ARMH3: variants seen among roughly 807,000 people sequenced by gnomAD.
The protein encoded by ARMH3 is armadillo-like helical domain-containing protein 3.
In ARMH3, 60 loss-of-function variants were observed where a neutral mutation model predicts 99.1. The ratio of observed to expected loss-of-function variants is 0.61; its 90% confidence interval spans 0.49 to 0.75. ARMH3 has a LOEUF of 0.75. Ranked by LOEUF, ARMH3 falls within the 30% of genes least tolerant of loss-of-function variation. The pLI, the probability that ARMH3 is intolerant of heterozygous loss-of-function variation, is 0.00. For missense variants in ARMH3, 679 were observed against 843.1 expected, an observed-to-expected ratio of 0.81 and a Z score of 2.41; for synonymous variants, 285 against 292.8, an observed-to-expected ratio of 0.97 and a Z score of 0.27.
intron 22 of ARMH3, among the ~76,000 whole-genome samples, chr10:101,950,728 T>TATAAAATGTCC: frequency 6.6e-6 from 1 of 152,234 alleles, no homozygotes; most frequent in Non-Finnish European, 1.5e-5. Context: ...ATTTCATTTA[T>TATAAAATGTCC]ATAAAATGTC....
intron 20 of ARMH3, among the ~76,000 whole-genome samples, chr10:101,973,397 G>C (rs938520414): frequency 6.6e-6 from 1 of 150,930 alleles, no homozygotes; most frequent in African/African-American, 2.4e-5. Context: ...ATAATCGCTT[G>C]TTTAAGCAAA....
chr10:101,992,108 T>C (rs1015398835), intron 17 of ARMH3, 70 bp from the exon 18 acceptor site: 2 of 1,243,476 alleles, frequency 1.6e-6, no homozygotes, highest in African/African-American at 3.0e-5. Flanking sequence ...CCCATCATCA[T>C]GTTCCTTGTG....
intron 4 of ARMH3, 100 bp downstream of exon 4, chr10:102,032,926 C>A: frequency 8.2e-6 from 11 of 1,343,476 alleles, no homozygotes; most frequent in East Asian, 4.8e-5. Flanking sequence ...AAAAGAAAAC[C>A]TCATACCTCA....
At chr10:101,957,233 G>A (rs934581274) in intron 21 of ARMH3, among the ~76,000 whole-genome samples, 1 of 152,140 alleles carries the variant, frequency 6.6e-6, no homozygotes, top group African/African-American at 2.4e-5. Flanking sequence ...AATGCACAAT[G>A]GCCTCCTTCT....
chr10:101,909,311 G>A (rs944684822), intron 23 of ARMH3, among the ~76,000 whole-genome samples: 1 of 151,620 alleles, frequency 6.6e-6, no homozygotes, highest in South Asian at 2.1e-4. Context: ...GAAGGCTGAT[G>A]CAAGAGGACT....
At chr10:101,951,811 TG>T (rs1017955324) in intron 22 of ARMH3, among the ~76,000 whole-genome samples, 5 of 145,698 alleles carry the variant, frequency 3.4e-5, no homozygotes, top group East Asian at 2.0e-4. Context: ...GAGGTTGCAG[TG>T]AGCCAAGATT....
intron 9 of ARMH3, 61 bp from the exon 10 acceptor site, chr10:102,012,937 T>C: frequency 6.9e-7 from 1 of 1,441,176 alleles, no homozygotes; most frequent in Non-Finnish European, 9.6e-7. Context: ...TTGGTGATGA[T>C]GCTAGAACAA....
intron 11 of ARMH3, 73 bp from the exon 12 acceptor site, chr10:102,010,096 TTA>T (rs2136105683): frequency 7.0e-7 from 1 of 1,438,318 alleles, no homozygotes; most frequent in African/African-American, 1.4e-5. Context: ...AGGAAGCCTT[TTA>T]TCAGTGAAGA....
chr10:102,022,257 A>C (rs1379761462), intron 8 of ARMH3, among the ~76,000 whole-genome samples: 6 of 151,960 alleles, frequency 3.9e-5, no homozygotes, highest in Non-Finnish European at 7.4e-5. Flanking sequence ...TAAACAGATG[A>C]ACTAGGTCAG....
chr10:101,990,556 G>A lies in ARMH3; in HGVS notation c.1401C>T (p.Leu467=), dbSNP rs947935144. The A allele has an allele frequency of 1.9e-6, 3 of 1,581,048 alleles. No individual in the cohort carries two copies. Among genetic ancestry groups the A allele is most frequent in the Non-Finnish European group, 2.6e-6 (3 of 1,150,386 alleles). The change falls in exon 19 of 26, where the codon CTC becomes CTT. Residue 467 remains leucine, a synonymous_variant. Coordinates refer to ENST00000370033, the MANE Select transcript of ARMH3 (RefSeq NM_024541.3). ...GTGTACATATTTGTACTTACATATA[G>A]AGATCCATAGGAAACTCCTTCATCA... The part of the protein sequence containing the change: ...THMMKEFPMD[L]YIRCIQVVHK...
At chr10:101,972,339 C>T (rs1845805166) in intron 20 of ARMH3, among the ~76,000 whole-genome samples, 1 of 152,202 alleles carries the variant, frequency 6.6e-6, no homozygotes, top group South Asian at 2.1e-4. Context: ...TAGAGGATTG[C>T]TTCCTAGATA....
At chr10:101,877,677 T>A (rs984923610) in intron 24 of ARMH3, among the ~76,000 whole-genome samples, 1 of 152,030 alleles carries the variant, frequency 6.6e-6, no homozygotes, top group African/African-American at 2.4e-5. Flanking sequence ...AAAATTTTTT[T>A]AAAGCTGACA....
chr10:102,051,198 C>T (rs1414583790), intron 1 of ARMH3, among the ~76,000 whole-genome samples: 2 of 150,672 alleles, frequency 1.3e-5, no homozygotes, highest in Admixed American at 1.3e-4. Flanking sequence ...GTCAAGTGGG[C>T]GCAGTGGCTC....
chr10:101,880,065 T>C (rs771159863), intron 24 of ARMH3, among the ~76,000 whole-genome samples: 2 of 152,230 alleles, frequency 1.3e-5, no homozygotes, highest in Non-Finnish European at 2.9e-5. Flanking sequence ...CAGGGTTGGA[T>C]GGCCAGTGCC....
chr10:102,016,702 A>G (rs1016906784), intron 8 of ARMH3, among the ~76,000 whole-genome samples: 43 of 152,196 alleles, frequency 2.8e-4, no homozygotes, highest in African/African-American at 9.9e-4. Context: ...CCAGAGGCCA[A>G]TTATTTAAAC....
At chr10:101,982,122 T>C (rs1345890061) in intron 19 of ARMH3, among the ~76,000 whole-genome samples, 3 of 150,896 alleles carry the variant, frequency 2.0e-5, no homozygotes, top group Non-Finnish European at 4.4e-5. Flanking sequence ...GGCTCACACC[T>C]GTAATCCCAG....
In ARMH3 at chr10:101,977,438, T is replaced by C. The variant is rs552178035; in HGVS notation, c.1407-2138A>G. Among the ~76,000 whole-genome samples, 11 of 152,256 alleles carry C rather than the reference T, an allele frequency of 7.2e-5. No homozygotes were observed. The South Asian group carries it at 2.1e-3, about 29-fold the overall frequency. ...TACAAATAATTTAATAAAAAAAAAT[T>C]CAATGATTAAAATTAAATGGCAAAC... On this transcript the variant is annotated intron_variant, in intron 19 of 25. Transcript: ENST00000370033.
chr10:102,019,216 T>G (rs2066821309), intron 8 of ARMH3, among the ~76,000 whole-genome samples: 1 of 152,058 alleles, frequency 6.6e-6, no homozygotes, highest in Non-Finnish European at 1.5e-5. Context: ...GCCCAGCTAA[T>G]TTTTGTATTT....
chr10:101,894,077 AGGTG>A, intron 23 of ARMH3, among the ~76,000 whole-genome samples: 1 of 152,214 alleles, frequency 6.6e-6, no homozygotes, highest in Non-Finnish European at 1.5e-5. Context: ...AACCTGAGTA[AGGTG>A]GAACAGTCTA....
Sources: gnomAD v4.1 joint callset for allele counts (sites outside exome capture counted in the v4.1 genomes callset) on GRCh38, gnomAD v4.1.1 for gene constraint, MANE v1.5 for transcripts, NCBI Gene and HGNC (gene_info 2026-07-23, HGNC 2026-07-21) for gene names.